LRRC8D: variants seen among roughly 807,000 people sequenced by gnomAD.
LRRC8D encodes volume-regulated anion channel subunit LRRC8D.
Under a neutral mutation model 55.8 loss-of-function variants are expected in LRRC8D, and 20 were observed. That is an observed-to-expected ratio of 0.36 (90% confidence interval 0.25 to 0.52). The LOEUF is 0.52. Among genes scored for constraint, LRRC8D ranks in the 20% least tolerant of loss-of-function variants. LRRC8D has a pLI of 0.93. For missense variants in LRRC8D, 651 were observed against 1,030.8 expected (o/e 0.63, Z 5.05); for synonymous variants, 352 against 377.0 (o/e 0.93, Z 0.77).
In LRRC8D at chr1:89,933,905, G is replaced by A; in HGVS notation, c.837G>A (p.Lys279=). 1 of 1,613,946 alleles carries A rather than the reference G, an allele frequency of 6.2e-7. No individual in the cohort carries two copies. Among genetic ancestry groups the A allele is most frequent in the East Asian group, 2.2e-5 (1 of 44,870 alleles). Residue 279 remains lysine, a synonymous_variant, in exon 3 of 3, where the codon AAG becomes AAA. Transcript: ENST00000337338. This position sits in a 1 kb window ranked among gnomAD's most constrained non-coding sequence, Gnocchi z 7.0. The part of the protein sequence containing the change: ...EVPSMTILDK[K]DGEQAKALFE... ...CCAGCATGACAATCCTGGATAAAAAGGATGGAGAGCAGGCCAAAGCCCTGT... is the reference window on the plus strand; with the variant it reads ...CCAGCATGACAATCCTGGATAAAAAAGATGGAGAGCAGGCCAAAGCCCTGT...
intron 2 of LRRC8D, among the ~76,000 whole-genome samples, chr1:89,892,655 G>A (rs565161205): frequency 5.9e-5 from 9 of 152,208 alleles, no homozygotes; most frequent in African/African-American, 2.2e-4. Context: ...AGTAGCTGGG[G>A]CTATAGGCGC....
At position 89,934,728 on chromosome 1, in the gene LRRC8D, G is replaced by T. The variant is rs1250616085; in HGVS notation, c.1660G>T (p.Ala554Ser). The change falls in exon 3 of 3, where the codon GCC (alanine) becomes TCC (serine). Residue 554 changes from alanine (A) to serine (S), a missense_variant. By Grantham distance (99) the Ala-to-Ser change is moderately conservative (BLOSUM62 1). Transcript: ENST00000337338. The surrounding 1 kb of genome is among the most constrained non-coding windows in gnomAD (Gnocchi z 5.9). ...VKFTDVAEIP[A>S]WVYLLKNLRE... is the part of the protein sequence containing the mutation. ...GTTCACTGATGTGGCTGAAATTCCT[G>T]CCTGGGTGTATTTGCTCAAAAACCT... 6.2e-7 allele frequency: 1 copy of T among 1,614,092 alleles called. No individual in the cohort carries two copies. Among genetic ancestry groups the T allele is most frequent in the Admixed American group, 1.7e-5 (1 of 60,024 alleles).
chr1:89,887,689 T>A (rs1275724810), intron 2 of LRRC8D, among the ~76,000 whole-genome samples: 1 of 152,200 alleles, frequency 6.6e-6, no homozygotes, highest in East Asian at 1.9e-4. Context: ...TTTCAGCCTG[T>A]TAAGGTGTTT....
chr1:89,902,601 A>G (rs2100915444), intron 2 of LRRC8D, among the ~76,000 whole-genome samples: 1 of 150,428 alleles, frequency 6.6e-6, no homozygotes, highest in East Asian at 2.0e-4. Context: ...CGGTGACACC[A>G]TCTTGGCTCA....
At position 89,935,666 on chromosome 1, in the gene LRRC8D, G is replaced by T; in HGVS notation, c.*21G>T. ...TTTAAACTAAGATAATATATGCACAGTGATGTGCAGGAACAACTTCCTAGA... is the reference window on the plus strand; with the variant it reads ...TTTAAACTAAGATAATATATGCACATTGATGTGCAGGAACAACTTCCTAGA... On this transcript the variant is annotated 3_prime_UTR_variant, in exon 3 of 3. Coordinates refer to ENST00000337338, the MANE Select transcript of LRRC8D (RefSeq NM_001134479.2). The T allele has an allele frequency of 6.3e-7, 1 of 1,589,936 alleles. No individual in the cohort carries two copies. Among genetic ancestry groups the T allele is most frequent in the Non-Finnish European group, 8.6e-7 (1 of 1,161,142 alleles).
rs374403350 is a variant in LRRC8D, at chr1:89,933,083, G to C, written c.15G>C (p.Ala5=). The change falls in exon 3 of 3, where the codon GCG becomes GCC. Residue 5 remains alanine (A), a synonymous_variant. Transcript: ENST00000337338. This position sits in a 1 kb window ranked among gnomAD's most constrained non-coding sequence, Gnocchi z 7.0. ...GTTTTCTAGGAATGTTTACCCTTGC[G>C]GAAGTTGCATCACTTAATGACATTC... is the stretch of plus-strand genomic sequence containing the variant. The part of the protein sequence containing the change: MFTL[A]EVASLNDIQP... 1.2e-6 allele frequency: 2 copies of C among 1,605,478 alleles called. No individual in the cohort carries two copies. The highest frequency in any genetic ancestry group is 2.7e-5 in the African/African-American group (2 of 74,734).
chr1:89,887,786 A>T (rs2100867776), intron 2 of LRRC8D, among the ~76,000 whole-genome samples: 1 of 152,314 alleles, frequency 6.6e-6, no homozygotes, highest in East Asian at 1.9e-4. Context: ...AATTTAAAAT[A>T]TGGGATAGGA....
chr1:89,878,897 G>A (rs1386276363), intron 2 of LRRC8D, among the ~76,000 whole-genome samples: 1 of 151,100 alleles, frequency 6.6e-6, no homozygotes, highest in Non-Finnish European at 1.5e-5. Flanking sequence ...AACCCAGGAG[G>A]CAGAGATTGC....
chr1:89,912,063 C>T (rs952660509), intron 2 of LRRC8D, among the ~76,000 whole-genome samples: 1 of 152,118 alleles, frequency 6.6e-6, no homozygotes, highest in Non-Finnish European at 1.5e-5. Context: ...CCAGATCTTT[C>T]TCTTAGGATT....
chr1:89,849,401 G>A (rs1036048046), intron 2 of LRRC8D, among the ~76,000 whole-genome samples: 1 of 151,914 alleles, frequency 6.6e-6, no homozygotes, highest in African/African-American at 2.4e-5. Context: ...CTGGATCATA[G>A]GATATATGCG....
intron 1 of LRRC8D, among the ~76,000 whole-genome samples, chr1:89,824,132 C>T (rs1175137586): frequency 6.6e-6 from 1 of 152,160 alleles, no homozygotes; most frequent in Non-Finnish European, 1.5e-5. Flanking sequence ...GATACATAAG[C>T]ATCCTACTGT....
chr1:89,843,289 C>G, intron 1 of LRRC8D: 1 of 186,176 alleles, frequency 5.4e-6, no homozygotes. Context: ...GCCGATCACA[C>G]TGGGCACCGG....
At chr1:89,868,182 A>G (rs1277742743) in intron 2 of LRRC8D, among the ~76,000 whole-genome samples, 1 of 152,240 alleles carries the variant, frequency 6.6e-6, no homozygotes, top group Non-Finnish European at 1.5e-5. Context: ...TAAGCCATCT[A>G]TACATTTTCT....
chr1:89,894,796 T>C (rs1247614565), intron 2 of LRRC8D, among the ~76,000 whole-genome samples: 2 of 152,260 alleles, frequency 1.3e-5, no homozygotes, highest in East Asian at 1.9e-4. Context: ...AATAGTTGTT[T>C]CTTTCCTTTC....
chr1:89,890,461 T>C (rs1362999308), intron 2 of LRRC8D, among the ~76,000 whole-genome samples: 3 of 152,184 alleles, frequency 2.0e-5, no homozygotes, highest in African/African-American at 4.8e-5. Context: ...TCATTCAGTC[T>C]TTTTCCTGAC....
At chr1:89,890,253 G>A (rs927179733) in intron 2 of LRRC8D, among the ~76,000 whole-genome samples, 2 of 152,160 alleles carry the variant, frequency 1.3e-5, no homozygotes, top group Non-Finnish European at 2.9e-5. Flanking sequence ...GGAGAGGGCA[G>A]CATACCACAC....
chr1:89,919,795 T>A (rs1315358315), intron 2 of LRRC8D, among the ~76,000 whole-genome samples: 2 of 152,234 alleles, frequency 1.3e-5, no homozygotes, highest in African/African-American at 4.8e-5. Context: ...GCTTTCTCAG[T>A]AAGGACAGCT....
At chr1:89,915,849 T>G (rs1037539375) in intron 2 of LRRC8D, among the ~76,000 whole-genome samples, 24 of 152,244 alleles carry the variant, frequency 1.6e-4, no homozygotes, top group African/African-American at 5.8e-4. Context: ...AGATGTGCTT[T>G]ATCAGAAAGT....
intron 2 of LRRC8D, among the ~76,000 whole-genome samples, chr1:89,892,688 T>C (rs1662611030): frequency 6.6e-6 from 1 of 152,090 alleles, no homozygotes; most frequent in Non-Finnish European, 1.5e-5. Flanking sequence ...CCAGCTAATT[T>C]TTTTGTATTT....
Sources: allele counts gnomAD v4.1 joint callset (sites outside exome capture counted in the v4.1 genomes callset), GRCh38; gene constraint gnomAD v4.1.1; non-coding constraint Gnocchi (gnomAD v3.1); transcripts MANE v1.5; gene names NCBI Gene and HGNC (gene_info 2026-07-23, HGNC 2026-07-21).